AGMO: variants seen among roughly 807,000 people sequenced by gnomAD.
AGMO encodes the protein alkylglycerol monooxygenase, also known as glyceryl-ether monooxygenase.
A neutral mutation model predicts 60.2 loss-of-function variants in AGMO; 75 were observed. That is an observed-to-expected ratio of 1.25 (90% CI 1.03 to 1.51). AGMO has a LOEUF of 1.51. AGMO is among the 40% of genes most tolerant of loss of function. AGMO has a pLI of 0.00. For missense variants in AGMO, 763 were observed against 525.5 expected, an observed-to-expected ratio of 1.45 and a Z score of -4.42; for synonymous variants, 261 against 177.1, an observed-to-expected ratio of 1.47 and a Z score of -3.76.
intron 3 of AGMO, among the ~76,000 whole-genome samples, chr7:15,470,404 T>C (rs62438758): frequency 0.47 from 70,664 of 151,598 alleles, 17,292 homozygotes; most frequent in Non-Finnish European, 0.57. Context: ...TTCATCTTTC[T>C]CTTTTTTTCT....
chr7:15,416,181 G>A (rs767491787), intron 5 of AGMO, among the ~76,000 whole-genome samples: 13 of 151,670 alleles, frequency 8.6e-5, no homozygotes, highest in Non-Finnish European at 1.6e-4. Flanking sequence ...CTACAGGCAC[G>A]CACCACCACA....
rs200622600 is a variant in AGMO, at chr7:15,391,252, T to TA, written c.677-348dup. Among the ~76,000 whole-genome samples the TA allele has an allele frequency of 7.1e-3, 1,079 of 152,168 alleles. 13 individuals carry two copies. The highest frequency in any genetic ancestry group is 0.025 in the African/African-American group (1,055 of 41,556). ...GATACCAAAAATTATAAATGAGAAA[T>TA]AAAATCAGAAAACGATGTATATAAA... On this transcript the variant is annotated intron_variant, in intron 6 of 12. Transcript: ENST00000342526.
chr7:15,387,313 GATTTGCATGA>G, intron 9 of AGMO, 83 bp downstream of exon 9: 1 of 1,399,044 alleles, frequency 7.1e-7, no homozygotes, highest in Non-Finnish European at 9.7e-7. Flanking sequence ...TCTTTTTACA[GATTTGCATGA>G]AAACAGCGTA....
At chr7:15,225,743 T>TTAAA (rs1288369770) in intron 12 of AGMO, among the ~76,000 whole-genome samples, 4 of 152,078 alleles carry the variant, frequency 2.6e-5, no homozygotes, top group Admixed American at 2.6e-4. Context: ...GCTCATAAGA[T>TTAAA]TAAATAAATA....
At chr7:15,384,089 C>T (rs1028760884) in intron 10 of AGMO, among the ~76,000 whole-genome samples, 1 of 152,140 alleles carries the variant, frequency 6.6e-6, no homozygotes, top group African/African-American at 2.4e-5. Flanking sequence ...GGCCCGCCAC[C>T]ATGCCTGGCT....
intron 12 of AGMO, among the ~76,000 whole-genome samples, chr7:15,358,725 C>CA (rs1782638803): frequency 1.3e-5 from 2 of 152,152 alleles, no homozygotes; most frequent in Non-Finnish European, 2.9e-5. Flanking sequence ...ACTCCCAGAA[C>CA]ATGTCTTTGT....
intron 12 of AGMO, among the ~76,000 whole-genome samples, chr7:15,305,513 C>G (rs1780587170): frequency 6.6e-6 from 1 of 151,850 alleles, no homozygotes; most frequent in South Asian, 2.1e-4. Flanking sequence ...GTTTTTAAAC[C>G]TTGTGTTTTC....
chr7:15,244,392 T>A (rs910697610), intron 12 of AGMO, among the ~76,000 whole-genome samples: 3 of 152,132 alleles, frequency 2.0e-5, no homozygotes, highest in Non-Finnish European at 2.9e-5. Context: ...AGACTGTATA[T>A]CTTTTTTATC....
chr7:15,425,665 C>T (rs1781040553), intron 4 of AGMO, among the ~76,000 whole-genome samples: 1 of 152,118 alleles, frequency 6.6e-6, no homozygotes, highest in African/African-American at 2.4e-5. Flanking sequence ...GTCTTGAACT[C>T]CTGGGCTCAA....
intron 12 of AGMO, among the ~76,000 whole-genome samples, chr7:15,241,174 A>G (rs1458492975): frequency 2.0e-5 from 3 of 151,930 alleles, no homozygotes; most frequent in African/African-American, 7.3e-5. Context: ...CTATCACTCA[A>G]GTAAAGACTA....
downstream of AGMO, among the ~76,000 whole-genome samples, chr7:15,199,364 CA>C (rs1781215747): frequency 6.6e-6 from 1 of 152,160 alleles, no homozygotes; most frequent in African/African-American, 2.4e-5. Flanking sequence ...AACTGAACTT[CA>C]CCACAAAAGG....
intron 10 of AGMO, among the ~76,000 whole-genome samples, chr7:15,384,750 C>T (rs1192283675): frequency 6.7e-6 from 1 of 149,570 alleles, no homozygotes; most frequent in Non-Finnish European, 1.5e-5. Context: ...TTTCATGTAC[C>T]TTTTTGATCT....
the AGMO span, among the ~76,000 whole-genome samples, chr7:15,159,454 GA>G: frequency 1.3e-5 from 2 of 152,176 alleles, no homozygotes; most frequent in Non-Finnish European, 2.9e-5. Flanking sequence ...CCTAGGGCAT[GA>G]GTCCAGGACT....
At chr7:15,526,347 A>C (rs1197862868) in intron 3 of AGMO, among the ~76,000 whole-genome samples, 1 of 152,346 alleles carries the variant, frequency 6.6e-6, no homozygotes, top group South Asian at 2.1e-4. Context: ...TCCTTAACTT[A>C]AAACATTTCT....
intron 10 of AGMO, among the ~76,000 whole-genome samples, chr7:15,370,066 A>T (rs1270838939): frequency 6.6e-6 from 1 of 151,920 alleles, no homozygotes; most frequent in Non-Finnish European, 1.5e-5. Flanking sequence ...CCCCTCCTTT[A>T]TTCCTTAGTC....
At chr7:15,551,796 C>T (rs181874123) in intron 2 of AGMO, among the ~76,000 whole-genome samples, 63,745 of 150,838 alleles carry the variant, frequency 0.42, 16,002 homozygotes, top group African/African-American at 0.71. Flanking sequence ...AATGACTTTC[C>T]TCACAGAATT....
At chr7:15,285,913 A>C (rs1288495084) in intron 12 of AGMO, among the ~76,000 whole-genome samples, 3 of 152,072 alleles carry the variant, frequency 2.0e-5, no homozygotes, top group Non-Finnish European at 4.4e-5. Context: ...GCCCCAAGTA[A>C]AGCCAAATAC....
chr7:15,368,398 G>A (rs751949616), intron 10 of AGMO, among the ~76,000 whole-genome samples: 4 of 152,004 alleles, frequency 2.6e-5, no homozygotes, highest in Non-Finnish European at 4.4e-5. Context: ...TTTTGGCGGG[G>A]AAAAATTTAC....
chr7:15,374,038 G>T (rs922793460), intron 10 of AGMO, among the ~76,000 whole-genome samples: 2 of 152,154 alleles, frequency 1.3e-5, no homozygotes, highest in African/African-American at 4.8e-5. Flanking sequence ...CAATCTTCCA[G>T]ACACTGTGAG....
Sources: gnomAD v4.1 joint callset for allele counts (sites outside exome capture counted in the v4.1 genomes callset) on GRCh38, gnomAD v4.1.1 for gene constraint, MANE v1.5 for transcripts, NCBI Gene and HGNC (gene_info 2026-07-23, HGNC 2026-07-21) for gene names.